SLC5A10: variants seen among roughly 807,000 people sequenced by gnomAD.
The protein encoded by SLC5A10 is sodium/mannose cotransporter SLC5A10.
In SLC5A10, 55 loss-of-function variants were observed where a neutral mutation model predicts 68.9. The observed-to-expected ratio is 0.80, with a 90% CI of 0.64 to 1.00. The LOEUF (loss-of-function observed/expected upper bound fraction) is 1.00, where lower values mean the gene tolerates loss of function less well. Ranked by LOEUF, SLC5A10 falls within the 50% of genes least tolerant of loss-of-function variation. The pLI, the probability that SLC5A10 is intolerant of heterozygous loss-of-function variation, is 0.00. For missense variants in SLC5A10, 732 were observed against 819.3 expected (o/e 0.89, Z 1.30); for synonymous variants, 344 against 344.8 (o/e 1.00, Z 0.02).
rs753876040 is a variant in SLC5A10, at chr17:18,952,316, G to C, written c.111G>C (p.Trp37Cys). 1 of 1,611,182 alleles carries C rather than the reference G, an allele frequency of 6.2e-7. No individual in the cohort carries two copies. Among genetic ancestry groups the C allele is most frequent in the South Asian group, 1.1e-5 (1 of 90,522 alleles). The change falls in exon 1 of 15, where the codon TGG becomes TGC. Residue 37 changes from tryptophan to cysteine, a missense_variant and splice_region_variant. Trp to Cys is a radical substitution (Grantham distance 215, BLOSUM62 -2). Transcript: ENST00000395645. ...CTCTGAATGTGGCCGTGGGCATATG[G>C]GTAAGGGGACCTGTGGTGGTGTTGG... is the stretch of plus-strand genomic sequence containing the variant. ...YFALNVAVGIWSSCRASRNTV... is the reference protein window; with the variant it reads ...YFALNVAVGICSSCRASRNTV...
intron 9 of SLC5A10, among the ~76,000 whole-genome samples, chr17:18,984,202 C>G (rs1487748476): frequency 6.6e-6 from 1 of 152,048 alleles, no homozygotes; most frequent in East Asian, 1.9e-4. Context: ...ATTAGCCGGG[C>G]GTGGTGGCGG....
chr17:18,969,611 G>A, intron 7 of SLC5A10, 189 bp downstream of exon 7: 1 of 552,684 alleles, frequency 1.8e-6, no homozygotes, highest in South Asian at 2.7e-5. Flanking sequence ...GACTGCCCTG[G>A]CTGGTAGAGG....
chr17:18,987,291 A>G (rs1290060312), intron 9 of SLC5A10, among the ~76,000 whole-genome samples: 4 of 152,206 alleles, frequency 2.6e-5, no homozygotes, highest in African/African-American at 4.8e-5. Flanking sequence ...ATGTGGCTCC[A>G]TTCCCTCATC....
intron 8 of SLC5A10, 91 bp from the exon 9 acceptor site, chr17:18,976,763 T>G: frequency 1.3e-6 from 2 of 1,527,060 alleles, no homozygotes; most frequent in Non-Finnish European, 8.8e-7. Flanking sequence ...TCATCGTGCC[T>G]CATGCCCATT....
intron 9 of SLC5A10, chr17:18,986,043 A>G (rs973623998): frequency 3.9e-5 from 6 of 152,248 alleles, no homozygotes; most frequent in African/African-American, 9.7e-5. Context: ...GCCATGGGGC[A>G]CTCGAGGCCC....
rs536087271 is a variant in SLC5A10 at position 19,001,098 on chromosome 17, C to T, written c.983-12312C>T. Among the ~76,000 whole-genome samples, 5 of 152,344 alleles carry T rather than the reference C, an allele frequency of 3.3e-5. No individual in the cohort carries two copies. The South Asian group carries it at 1.0e-3, about 32-fold the overall frequency. On this transcript the variant is annotated intron_variant, in intron 9 of 14. Transcript: ENST00000395645. ...TTGGGCAGCGACTAACCAGTTTCTACATCTGAAAAATGAGACAGATAACAC... is the reference window on the plus strand; with the variant it reads ...TTGGGCAGCGACTAACCAGTTTCTATATCTGAAAAATGAGACAGATAACAC...
intron 10 of SLC5A10, 92 bp downstream of exon 10, chr17:19,013,609 G>GT: frequency 1.3e-5 from 3 of 233,008 alleles, no homozygotes; most frequent in Non-Finnish European, 2.0e-5. Context: ...GCCACTCACT[G>GT]GCCAAGAAAT....
Position 19,003,943 on chromosome 17 carries a change from C to T in SLC5A10, c.983-9467C>T, listed in dbSNP as rs2043806566. 2.5e-6 allele frequency: 4 copies of T among 1,612,964 alleles called. No individual in the cohort carries two copies. The highest frequency in any genetic ancestry group is 3.4e-6 in the Non-Finnish European group (4 of 1,179,932). On this transcript the variant is annotated intron_variant, in intron 9 of 14. Transcript: ENST00000395645. This position sits in a 1 kb window ranked among gnomAD's most constrained non-coding sequence, Gnocchi z 4.5. ...CGCGGGCCACCAGGGCCTCCAGCGC[C>T]AGCCGCTGCTCCTCGCTGTAGAAGA...
chr17:18,975,700 A>T (rs796968692), intron 8 of SLC5A10: 3 of 150,368 alleles, frequency 2.0e-5, no homozygotes, highest in African/African-American at 7.3e-5. Flanking sequence ...CATCTCAAAG[A>T]AAAAAAAAAT....
Position 19,021,792 on chromosome 17 carries a change from G to A in SLC5A10, c.*1361G>A, listed in dbSNP as rs1448434526. The A allele has an allele frequency of 2.4e-5, 14 of 592,948 alleles. No homozygotes were observed. Among genetic ancestry groups the A allele is most frequent in the Non-Finnish European group, 3.3e-5 (13 of 396,060 alleles). 36.7% of individuals were successfully genotyped at this position (592,948 alleles called of 1,614,324 possible). A position where few individuals can be genotyped will look rare whatever the true frequency, so the allele number is the denominator to read the frequency against. On this transcript the variant is annotated 3_prime_UTR_variant, in exon 15 of 15. Coordinates refer to ENST00000395645, the MANE Select transcript of SLC5A10 (RefSeq NM_001042450.4). The surrounding 1 kb of genome is among the most constrained non-coding windows in gnomAD (Gnocchi z 4.1). Reference sequence around the variant, plus strand: ...TGGGTACCCTTGCTGGGGGACCTGGGCCATCCCAGTTTGTGCAGAGCGGCC... The same window carrying A: ...TGGGTACCCTTGCTGGGGGACCTGGACCATCCCAGTTTGTGCAGAGCGGCC...
At chr17:19,016,557 T>C (rs925546412) in intron 11 of SLC5A10, among the ~76,000 whole-genome samples, 1 of 152,170 alleles carries the variant, frequency 6.6e-6, no homozygotes, top group African/African-American at 2.4e-5. Context: ...CCTCCAGAGC[T>C]CCAGGCAGCT....
chr17:18,952,381 G>T, intron 1 of SLC5A10, 65 bp downstream of exon 1: 1 of 1,542,280 alleles, frequency 6.5e-7, no homozygotes, highest in East Asian at 2.4e-5. Flanking sequence ...GGTGGGAACC[G>T]GGGTCCAGCA....
At chr17:18,966,769 A>AAAG (rs59190867) in intron 5 of SLC5A10, among the ~76,000 whole-genome samples, 1 of 150,240 alleles carries the variant, frequency 6.7e-6, no homozygotes. Context: ...AAAAAAAACA[A>AAAG]CACTCTGCGG....
At position 18,976,960 on chromosome 17, in the gene SLC5A10, C is replaced by A; in HGVS notation, c.953C>A (p.Pro318Gln). The A allele has an allele frequency of 2.5e-6, 4 of 1,613,058 alleles. No homozygotes were observed. The highest frequency in any genetic ancestry group is 3.4e-6 in the Non-Finnish European group (4 of 1,179,820). The change falls in exon 9 of 15, where the codon CCG becomes CAG. Residue 318 changes from proline to glutamine, a missense_variant. Coordinates refer to ENST00000395645, the MANE Select transcript of SLC5A10 (RefSeq NM_001042450.4). ...KMLPMGLIIM[P>Q]GMISRALFPD... The stretch of plus-strand genomic sequence containing the variant: ...CTCCCCATGGGCCTGATCATCATGC[C>A]GGGCATGATCAGCCGCGCATTGTTC...
intron 9 of SLC5A10, among the ~76,000 whole-genome samples, chr17:18,995,481 G>A (rs543403738): frequency 6.6e-6 from 1 of 152,174 alleles, no homozygotes; most frequent in Non-Finnish European, 1.5e-5. Flanking sequence ...AGCAAACTGT[G>A]GGTCAACTTC....
rs1275235270 is a variant in SLC5A10, at chr17:19,004,748, T to TGCGGCG, written c.983-8655_983-8650dup. On this transcript the variant is annotated intron_variant, in intron 9 of 14. Transcript: ENST00000395645. This position sits in a 1 kb window ranked among gnomAD's most constrained non-coding sequence, Gnocchi z 5.4. The stretch of plus-strand genomic sequence containing the variant: ...CGGAGCGGGGCGCACACGCGGCGGC[T>TGCGGCG]GCGGCGGCGGCGCGAGGCTGGGCGG... 4 of 148,984 alleles carry TGCGGCG rather than the reference T, an allele frequency of 2.7e-5. No individual in the cohort carries two copies. The highest frequency in any genetic ancestry group is 9.9e-5 in the African/African-American group (4 of 40,588). 9.2% of individuals were successfully genotyped at this position (148,984 alleles called of 1,614,324 possible). A position where few individuals can be genotyped will look rare whatever the true frequency, so the allele number is the denominator to read the frequency against.
At position 18,980,376 on chromosome 17, in the gene SLC5A10, G is replaced by A. The variant is rs78335931; in HGVS notation, c.982+3387G>A. The stretch of plus-strand genomic sequence containing the variant: ...ACTGTTTGGCCCAGGAGCAGGCCAG[G>A]AAGGCCCTCAGAGACTGTGGCCAAG... On this transcript the variant is annotated intron_variant, in intron 9 of 14. Transcript: ENST00000395645. Among the ~76,000 whole-genome samples, 1,363 of 152,272 alleles carry A rather than the reference G, an allele frequency of 9.0e-3. 17 individuals carry two copies. Among genetic ancestry groups the A allele is most frequent in the African/African-American group, 0.031 (1,302 of 41,548 alleles).
chr17:18,952,927 G>A (rs2042402428), intron 1 of SLC5A10, among the ~76,000 whole-genome samples: 1 of 152,244 alleles, frequency 6.6e-6, no homozygotes, highest in South Asian at 2.1e-4. Flanking sequence ...GAGAAACCGA[G>A]GCTCTGGCCC....
intron 9 of SLC5A10, among the ~76,000 whole-genome samples, chr17:18,993,165 A>ATCCTGACCCCTCTCCCCGACGCT (rs1567801112): frequency 3.3e-5 from 5 of 151,992 alleles, no homozygotes; most frequent in Non-Finnish European, 7.4e-5. Context: ...AAACCAACGC[A>ATCCTGACCCCTCTCCCCGACGCT]TCCTGACCCC....
Sources: allele counts gnomAD v4.1 joint callset (sites outside exome capture counted in the v4.1 genomes callset), GRCh38; gene constraint gnomAD v4.1.1; non-coding constraint Gnocchi (gnomAD v3.1); transcripts MANE v1.5; gene names NCBI Gene and HGNC (gene_info 2026-07-23, HGNC 2026-07-21).